Variants in CPT1A observed in about 807,000 individuals in gnomAD.
CPT1A encodes carnitine O-palmitoyltransferase 1, liver isoform.
CPT1A carries 64 observed loss-of-function variants against 100.8 expected under a neutral mutation model. The observed-to-expected ratio is 0.63, with a 90% CI of 0.52 to 0.78. The LOEUF (loss-of-function observed/expected upper bound fraction) is 0.78, where lower values mean the gene tolerates loss of function less well. Ranked by LOEUF, CPT1A falls within the 30% of genes least tolerant of loss-of-function variation. CPT1A has a pLI of 0.00. For synonymous variants in CPT1A, 363 were observed against 396.0 expected, an observed-to-expected ratio of 0.92 and a Z score of 0.99; for missense variants, 802 against 1,034.1, an observed-to-expected ratio of 0.78 and a Z score of 3.08.
chr11:68,780,544 A>T (rs1403000356), intron 12 of CPT1A, 96 bp downstream of exon 12: 2 of 1,094,194 alleles, frequency 1.8e-6, no homozygotes, highest in Non-Finnish European at 2.8e-6. Flanking sequence ...TCGGCCTCCC[A>T]AAGTGCTGGG....
At chr11:68,788,820 G>A (rs1855541446) in intron 9 of CPT1A, among the ~76,000 whole-genome samples, 1 of 152,076 alleles carries the variant, frequency 6.6e-6, no homozygotes, top group Admixed American at 6.6e-5. Context: ...AAAAATGAAG[G>A]GAAAAGGGTA....
At chr11:68,838,571 T>TAAAAAAAGAAAAAAAAAA (rs1177976460) in intron 1 of CPT1A, among the ~76,000 whole-genome samples, 1 of 74,210 alleles carries the variant, frequency 1.3e-5, no homozygotes, top group Non-Finnish European at 2.1e-5. Context: ...CTGCACCTTT[T>TAAAAAAAGAAAAAAAAAA]TAAAAAAAAA....
chr11:68,819,827 T>A (rs1221977127), intron 1 of CPT1A, among the ~76,000 whole-genome samples: 3 of 152,230 alleles, frequency 2.0e-5, no homozygotes, highest in African/African-American at 7.2e-5. Context: ...TGGGCTGTCC[T>A]GACCTAGCCT....
At chr11:68,810,206 G>A (rs989107397) in intron 3 of CPT1A, among the ~76,000 whole-genome samples, 3 of 152,062 alleles carry the variant, frequency 2.0e-5, no homozygotes, top group African/African-American at 7.2e-5. Flanking sequence ...ATATTCATTA[G>A]CCCCATGAGA....
At chr11:68,807,379 G>A in intron 4 of CPT1A, 88 bp downstream of exon 4, 1 of 1,342,488 alleles carries the variant, frequency 7.4e-7, no homozygotes, top group Non-Finnish European at 1.0e-6. Context: ...GGGAGAAAAG[G>A]TCGCAGGGGT....
chr11:68,809,948 C>A (rs112300734), intron 3 of CPT1A, among the ~76,000 whole-genome samples: 1 of 152,062 alleles, frequency 6.6e-6, no homozygotes. Context: ...GAGGACAAGG[C>A]GGGTGGATCA....
chr11:68,761,771 T>C (rs1854626739), intron 15 of CPT1A, 84 bp from the exon 16 acceptor site: 2 of 1,508,828 alleles, frequency 1.3e-6, no homozygotes, highest in African/African-American at 2.7e-5. Context: ...CGCACCCGGC[T>C]AATATTTTTT....
intron 1 of CPT1A, among the ~76,000 whole-genome samples, chr11:68,826,916 C>T (rs118003820): frequency 4.4e-4 from 67 of 152,198 alleles, no homozygotes; most frequent in Non-Finnish European, 7.4e-4. Flanking sequence ...CCAGGTGAGG[C>T]AGGTGAGCAG....
intron 14 of CPT1A, among the ~76,000 whole-genome samples, chr11:68,765,911 G>T (rs1055145597): frequency 6.6e-6 from 1 of 151,094 alleles, no homozygotes; most frequent in Non-Finnish European, 1.5e-5. Flanking sequence ...TCACTCTGTC[G>T]CCCAGGCTGG....
At chr11:68,798,305 C>T (rs956717965) in intron 6 of CPT1A, among the ~76,000 whole-genome samples, 5 of 152,194 alleles carry the variant, frequency 3.3e-5, no homozygotes, top group Admixed American at 6.5e-5. Context: ...AGAGAGCTGA[C>T]GTTTACCAGT....
At chr11:68,812,415 G>T (rs777070655) in intron 3 of CPT1A, 22 bp downstream of exon 3, 15 of 1,614,060 alleles carry the variant, frequency 9.3e-6, no homozygotes, top group Middle Eastern at 1.7e-4. Flanking sequence ...CAGACAATTG[G>T]AGATTTCACA....
At chr11:68,831,896 G>A (rs569626351) in intron 1 of CPT1A, among the ~76,000 whole-genome samples, 1 of 151,966 alleles carries the variant, frequency 6.6e-6, no homozygotes, top group Non-Finnish European at 1.5e-5. Context: ...GCCTCCTAAA[G>A]TGCTGGGATT....
upstream of CPT1A, among the ~76,000 whole-genome samples, chr11:68,842,755 G>A (rs957834090): frequency 6.6e-6 from 1 of 152,054 alleles, no homozygotes; most frequent in Non-Finnish European, 1.5e-5. Context: ...AACATCCACC[G>A]GTCCCAGGAG....
chr11:68,801,152 T>C (rs886789926), intron 5 of CPT1A, among the ~76,000 whole-genome samples: 4 of 152,112 alleles, frequency 2.6e-5, no homozygotes, highest in African/African-American at 9.7e-5. Flanking sequence ...TCTTGAGGCT[T>C]ATTCAAAGTA....
At chr11:68,785,133 C>G (rs1855423687) in intron 9 of CPT1A, 123 bp from the exon 10 acceptor site, 4 of 788,960 alleles carry the variant, frequency 5.1e-6, no homozygotes, top group Middle Eastern at 2.3e-4. Flanking sequence ...TCCAGGCAGC[C>G]TCAGGAACCT....
At chr11:68,797,479 T>C (rs1855784545) in intron 6 of CPT1A, among the ~76,000 whole-genome samples, 1 of 152,140 alleles carries the variant, frequency 6.6e-6, no homozygotes, top group Non-Finnish European at 1.5e-5. Flanking sequence ...GAAGCCAGCC[T>C]GGGCAACATA....
chr11:68,765,421 C>T (rs1854765670), intron 14 of CPT1A, among the ~76,000 whole-genome samples: 1 of 152,208 alleles, frequency 6.6e-6, no homozygotes, highest in Non-Finnish European at 1.5e-5. Flanking sequence ...CAGGTTACAA[C>T]TGCAGCACCC....
chr11:68,785,080 C>A, intron 9 of CPT1A, 70 bp from the exon 10 acceptor site: 1 of 1,392,382 alleles, frequency 7.2e-7, no homozygotes, highest in Non-Finnish European at 1.0e-6. Context: ...GACGACCGTA[C>A]CCTGACTCTG....
intron 1 of CPT1A, among the ~76,000 whole-genome samples, chr11:68,838,491 C>T (rs1857067617): frequency 7.1e-6 from 1 of 140,502 alleles, no homozygotes; most frequent in Admixed American, 7.9e-5. Context: ...CTGTACATGT[C>T]GTCAAAGAAA....
Sources: allele counts gnomAD v4.1 joint callset (sites outside exome capture counted in the v4.1 genomes callset), GRCh38; gene constraint gnomAD v4.1.1; transcripts MANE v1.5; gene names NCBI Gene and HGNC (gene_info 2026-07-23, HGNC 2026-07-21).